TRHDE: variants seen among roughly 807,000 people sequenced by gnomAD.
The protein encoded by TRHDE is thyrotropin releasing hormone degrading enzyme.
A neutral mutation model predicts 125.7 loss-of-function variants in TRHDE; 72 were observed. The observed-to-expected ratio is 0.57, with a 90% CI of 0.47 to 0.70. The LOEUF (loss-of-function observed/expected upper bound fraction) is 0.70. Ranked by LOEUF, TRHDE falls within the 30% of genes least tolerant of loss-of-function variation. The pLI is 0.00. For missense variants in TRHDE, 1,110 were observed against 1,327.1 expected (o/e 0.84, Z 2.54); for synonymous variants, 509 against 509.1 (o/e 1.00, Z 0.00).
intron 2 of TRHDE, among the ~76,000 whole-genome samples, chr12:72,215,805 C>G (rs564147589): frequency 3.9e-5 from 6 of 152,146 alleles, no homozygotes; most frequent in African/African-American, 1.2e-4. Flanking sequence ...GGGTGGTTGG[C>G]GCTCAGAAAT....
chr12:72,342,968 T>C (rs1870150075), intron 2 of TRHDE, among the ~76,000 whole-genome samples: 1 of 152,262 alleles, frequency 6.6e-6, no homozygotes, highest in East Asian at 1.9e-4. Context: ...TAACGTCCTA[T>C]GAGGTGGGTC....
Position 72,273,663 on chromosome 12 carries a change from G to A in TRHDE, c.914+106G>A, listed in dbSNP as rs1879358269. The A allele has an allele frequency of 8.9e-7, 1 of 1,125,710 alleles. No homozygotes were observed. The highest frequency in any genetic ancestry group is 2.3e-5 in the Admixed American group (1 of 44,202). 69.7% of individuals were successfully genotyped at this position (1,125,710 alleles called of 1,614,324 possible). On this transcript the variant is annotated intron_variant, in intron 1 of 18. Transcript: ENST00000261180. This position sits in a 1 kb window ranked among gnomAD's most constrained non-coding sequence, Gnocchi z 5.3. ...CCAGCTGGCTTCCAATACCCGGGAAGCCAGGGGTGGGGGGAAGGAAACGAA... is the reference window on the plus strand; with the variant it reads ...CCAGCTGGCTTCCAATACCCGGGAAACCAGGGGTGGGGGGAAGGAAACGAA...
chr12:72,534,880 G>A (rs1299424586), intron 6 of TRHDE, among the ~76,000 whole-genome samples: 1 of 151,988 alleles, frequency 6.6e-6, no homozygotes, highest in Non-Finnish European at 1.5e-5. Context: ...AAGTGTGTAA[G>A]GAATGCTCAT....
At chr12:72,218,434 A>T (rs994445746) in intron 2 of TRHDE, among the ~76,000 whole-genome samples, 3 of 152,136 alleles carry the variant, frequency 2.0e-5, no homozygotes, top group African/African-American at 7.2e-5. Flanking sequence ...TTACATTTTC[A>T]TGATGCTGTT....
intron 5 of TRHDE, among the ~76,000 whole-genome samples, chr12:72,492,973 CTA>C (rs1877749232): frequency 6.6e-6 from 1 of 151,880 alleles, no homozygotes; most frequent in Admixed American, 6.6e-5. Flanking sequence ...CATTAATGGG[CTA>C]TATGTGTATC....
At chr12:72,416,219 T>C (rs1873725500) in intron 3 of TRHDE, among the ~76,000 whole-genome samples, 1 of 152,076 alleles carries the variant, frequency 6.6e-6, no homozygotes, top group African/African-American at 2.4e-5. Flanking sequence ...TATTCAGATT[T>C]TTGCCTATTT....
chr12:72,454,333 G>A (rs528969754), intron 3 of TRHDE, among the ~76,000 whole-genome samples: 3 of 152,154 alleles, frequency 2.0e-5, no homozygotes, highest in African/African-American at 7.2e-5. Context: ...TTTTTAAGCT[G>A]TCTATTTATT....
intron 2 of TRHDE, among the ~76,000 whole-genome samples, chr12:72,180,212 T>C (rs535792664): frequency 2.0e-5 from 3 of 152,248 alleles, no homozygotes; most frequent in Admixed American, 6.5e-5. Flanking sequence ...AGCTTTGTTA[T>C]ATATTTTAAA....
At chr12:72,127,318 C>T (rs1046443349) in intron 2 of TRHDE, among the ~76,000 whole-genome samples, 1 of 152,148 alleles carries the variant, frequency 6.6e-6, no homozygotes, top group Admixed American at 6.5e-5. Flanking sequence ...CCATTTGGCT[C>T]AGCAATCCTA....
At chr12:72,102,833 C>T (rs939156812) in intron 1 of TRHDE, among the ~76,000 whole-genome samples, 12 of 152,212 alleles carry the variant, frequency 7.9e-5, no homozygotes, top group Non-Finnish European at 1.5e-4. Flanking sequence ...GGGCTTGTTG[C>T]CCCAGTTGGT....
intron 3 of TRHDE, among the ~76,000 whole-genome samples, chr12:72,454,702 A>T (rs764087475): frequency 2.8e-4 from 43 of 152,150 alleles, no homozygotes; most frequent in Admixed American, 9.8e-4. Flanking sequence ...ATGTACATAT[A>T]AGTAGTCTGA....
intron 2 of TRHDE, among the ~76,000 whole-genome samples, chr12:72,234,499 A>T (rs1014149395): frequency 2.0e-5 from 3 of 152,188 alleles, no homozygotes; most frequent in Non-Finnish European, 4.4e-5. Context: ...ATGTGATCTG[A>T]GGGCTCTTTT....
Position 72,559,753 on chromosome 12 carries a change from T to C in TRHDE, c.1789-2412T>C, listed in dbSNP as rs182009889. ...TTCAGATTTATATCTCTAAGGACTT[T>C]CATATTCACTGACTTAGAGGTTTGA... On this transcript the variant is annotated intron_variant, in intron 7 of 18. Transcript: ENST00000261180. 3.3e-5 allele frequency among the ~76,000 whole-genome samples: 5 copies of C among 152,310 alleles called. No homozygotes were observed. In the East Asian group the frequency reaches 9.6e-4, roughly 29 times the overall value.
At chr12:72,406,604 C>G (rs1452426582) in intron 3 of TRHDE, among the ~76,000 whole-genome samples, 1 of 152,068 alleles carries the variant, frequency 6.6e-6, no homozygotes, top group Non-Finnish European at 1.5e-5. Context: ...TTTTAGAAAA[C>G]TTTACTGCTG....
intron 3 of TRHDE, among the ~76,000 whole-genome samples, chr12:72,398,298 G>A (rs918067761): frequency 1.1e-4 from 17 of 152,150 alleles, no homozygotes; most frequent in African/African-American, 3.6e-4. Flanking sequence ...AAACATACGT[G>A]TGCATGTGTC....
rs1203455021 is a variant in TRHDE at position 72,319,437 on chromosome 12, T to A, written c.1188+32483T>A. 2.0e-5 allele frequency among the ~76,000 whole-genome samples: 3 copies of A among 152,306 alleles called. No homozygotes were observed. In the East Asian group the frequency reaches 5.8e-4, roughly 29 times the overall value. ...CATGAAATATTTGCATGTCAAGAACTTGTCAGAGATTTTTAACCTTGAACT... is the reference window on the plus strand; with the variant it reads ...CATGAAATATTTGCATGTCAAGAACATGTCAGAGATTTTTAACCTTGAACT... On this transcript the variant is annotated intron_variant, in intron 2 of 18. Transcript: ENST00000261180.
chr12:72,339,923 G>C (rs1361950976), intron 2 of TRHDE, among the ~76,000 whole-genome samples: 1 of 152,130 alleles, frequency 6.6e-6, no homozygotes, highest in Non-Finnish European at 1.5e-5. Context: ...ATAAATGACT[G>C]TCTGATGTAA....
intron 2 of TRHDE, among the ~76,000 whole-genome samples, chr12:72,213,102 A>G (rs1397401112): frequency 1.3e-5 from 2 of 152,160 alleles, no homozygotes; most frequent in Admixed American, 6.5e-5. Flanking sequence ...TGTTATGTAT[A>G]TATGTATGAT....
At chr12:72,651,452 C>A (rs962300951) in intron 15 of TRHDE, among the ~76,000 whole-genome samples, 2 of 151,812 alleles carry the variant, frequency 1.3e-5, no homozygotes, top group East Asian at 3.9e-4. Flanking sequence ...TATATTACTG[C>A]CACATTCAAA....
Sources: gnomAD v4.1 joint callset for allele counts (sites outside exome capture counted in the v4.1 genomes callset) on GRCh38, gnomAD v4.1.1 for gene constraint, Gnocchi (gnomAD v3.1) non-coding constraint, MANE v1.5 for transcripts, NCBI Gene and HGNC (gene_info 2026-07-23, HGNC 2026-07-21) for gene names.